The following NOS1AP variants were observed in gnomAD, a reference collection of about 807,000 sequenced individuals.
NOS1AP encodes carboxyl-terminal PDZ ligand of neuronal nitric oxide synthase protein.
In NOS1AP, 21 loss-of-function variants were observed where a neutral mutation model predicts 56.2. The ratio of observed to expected loss-of-function variants is 0.37; its 90% CI spans 0.26 to 0.54. NOS1AP has a LOEUF of 0.54. NOS1AP is among the 20% of genes least tolerant of loss of function. NOS1AP has a pLI of 0.84. For missense variants in NOS1AP, 522 were observed against 657.8 expected, an observed-to-expected ratio of 0.79 and a Z score of 2.26; for synonymous variants, 270 against 274.6, an observed-to-expected ratio of 0.98 and a Z score of 0.17.
At chr1:162,147,051 C>T (rs924063714) in intron 1 of NOS1AP, among the ~76,000 whole-genome samples, 4 of 152,000 alleles carry the variant, frequency 2.6e-5, no homozygotes, top group Non-Finnish European at 5.9e-5. Flanking sequence ...AATACAAGGC[C>T]GGGCGCGGTG....
intron 2 of NOS1AP, among the ~76,000 whole-genome samples, chr1:162,197,429 G>A (rs530247419): frequency 4.3e-4 from 65 of 152,338 alleles, no homozygotes; most frequent in African/African-American, 1.5e-3. Flanking sequence ...TGGCAGCCGG[G>A]ATGTACTGGC....
chr1:162,339,213 T>C (rs958341974), intron 5 of NOS1AP, among the ~76,000 whole-genome samples: 1 of 152,126 alleles, frequency 6.6e-6, no homozygotes, highest in Non-Finnish European at 1.5e-5. Flanking sequence ...TTTCCAGCTT[T>C]GAAAATATCA....
chr1:162,115,294 C>A (rs149295395), intron 1 of NOS1AP, among the ~76,000 whole-genome samples: 3 of 152,250 alleles, frequency 2.0e-5, no homozygotes, highest in African/African-American at 7.2e-5. Context: ...AAACAGTATA[C>A]CATGACTCTA....
At chr1:162,138,829 G>A (rs1273912360) in intron 1 of NOS1AP, among the ~76,000 whole-genome samples, 2 of 152,158 alleles carry the variant, frequency 1.3e-5, no homozygotes, top group East Asian at 3.9e-4. Flanking sequence ...CCATTCTCGA[G>A]GAAGGGGAAG....
intron 2 of NOS1AP, among the ~76,000 whole-genome samples, chr1:162,252,163 C>G (rs1363789254): frequency 6.6e-6 from 1 of 152,104 alleles, no homozygotes; most frequent in Non-Finnish European, 1.5e-5. Context: ...CTTCCCACAT[C>G]AGCCTCCTGA....
chr1:162,361,668 G>A (rs543808133), intron 8 of NOS1AP, among the ~76,000 whole-genome samples: 11 of 152,328 alleles, frequency 7.2e-5, no homozygotes, highest in South Asian at 4.1e-4. Context: ...GTGTAACTGG[G>A]TTTACAGAGG....
chr1:162,203,574 A>G (rs1652060501), intron 2 of NOS1AP, among the ~76,000 whole-genome samples: 2 of 152,198 alleles, frequency 1.3e-5, no homozygotes, highest in South Asian at 4.1e-4. Flanking sequence ...AAAAAAATTG[A>G]TTTGCAGACT....
rs1658117676 is a variant in NOS1AP at position 162,367,191 on chromosome 1, G to A, written c.1245G>A (p.Ala415=). The change falls in exon 10 of 10, where the codon GCG becomes GCA. Residue 415 remains alanine, a synonymous_variant. Transcript: ENST00000361897. This position sits in a 1 kb window ranked among gnomAD's most constrained non-coding sequence, Gnocchi z 6.5. ...GAGLADFAHP[A]GSPLGRRDCL... is the part of the protein sequence containing the mutation. ...GCTTGGCTGACTTTGCCCACCCTGCGGGCAGCCCCTTAGGTAGGCGCGACT... is the reference window on the plus strand; with the variant it reads ...GCTTGGCTGACTTTGCCCACCCTGCAGGCAGCCCCTTAGGTAGGCGCGACT... 3 of 1,613,772 alleles carry A rather than the reference G, an allele frequency of 1.9e-6. No individual in the cohort carries two copies. Among genetic ancestry groups the A allele is most frequent in the Non-Finnish European group, 8.5e-7 (1 of 1,179,974 alleles).
intron 1 of NOS1AP, among the ~76,000 whole-genome samples, chr1:162,123,674 G>A (rs966798223): frequency 1.9e-4 from 29 of 151,774 alleles, no homozygotes; most frequent in African/African-American, 4.1e-4. Flanking sequence ...TTTTGAAATC[G>A]TTTCAAACAC....
At chr1:162,155,247 TACACATAC>T (rs1231253121) in intron 2 of NOS1AP, among the ~76,000 whole-genome samples, 1 of 145,214 alleles carries the variant, frequency 6.9e-6, no homozygotes, top group Admixed American at 6.9e-5. Context: ...CATATACATA[TACACATAC>T]ATATATATAT....
Position 162,355,579 on chromosome 1 carries a change from G to A in NOS1AP, c.762+226G>A, listed in dbSNP as rs34771279. 0.059 allele frequency among the ~76,000 whole-genome samples: 9,042 copies of A among 152,076 alleles called. 291 individuals are homozygous for A. The highest frequency in any genetic ancestry group is 0.12 in the South Asian group (598 of 4,810). ...GTGGAGCTGATTCCTGACACACATC[G>A]CCCTCCCCAAATCCCACCAATATTT... is the stretch of plus-strand genomic sequence containing the variant. On this transcript the variant is annotated intron_variant, in intron 7 of 9. Coordinates refer to ENST00000361897, the MANE Select transcript of NOS1AP (RefSeq NM_014697.3).
At chr1:162,289,268 CCTT>C (rs1655202439) in intron 3 of NOS1AP, among the ~76,000 whole-genome samples, 10 of 68,190 alleles carry the variant, frequency 1.5e-4, no homozygotes, top group Admixed American at 3.1e-4. Flanking sequence ...TTCCTTCCTT[CCTT>C]CCTTCCTTTC....
At chr1:162,211,519 A>C (rs1652347256) in intron 2 of NOS1AP, among the ~76,000 whole-genome samples, 1 of 152,208 alleles carries the variant, frequency 6.6e-6, no homozygotes, top group Non-Finnish European at 1.5e-5. Context: ...GCTTCAGTGC[A>C]GAATGTTGGT....
chr1:162,202,630 C>T (rs73017353), intron 2 of NOS1AP, among the ~76,000 whole-genome samples: 23,986 of 151,786 alleles, frequency 0.16, 2,095 homozygotes, highest in South Asian at 0.23. Context: ...TAAATTTTTG[C>T]GTGTGTTTCA....
intron 2 of NOS1AP, among the ~76,000 whole-genome samples, chr1:162,211,743 C>A (rs184861384): frequency 6.6e-6 from 1 of 152,174 alleles, no homozygotes. Flanking sequence ...CCTCTCTCTG[C>A]AGTCTGATTG....
chr1:162,245,265 T>C (rs1653624947), intron 2 of NOS1AP, among the ~76,000 whole-genome samples: 2 of 152,188 alleles, frequency 1.3e-5, no homozygotes, highest in African/African-American at 4.8e-5. Context: ...ATGGCAGATA[T>C]GCATATGAAC....
intron 2 of NOS1AP, among the ~76,000 whole-genome samples, chr1:162,229,861 G>A (rs187902378): frequency 6.6e-6 from 1 of 152,114 alleles, no homozygotes; most frequent in Non-Finnish European, 1.5e-5. Flanking sequence ...AATGCAAGAC[G>A]TGTCTCAACT....
intron 2 of NOS1AP, among the ~76,000 whole-genome samples, chr1:162,164,971 A>G (rs748389918): frequency 2.0e-5 from 3 of 152,246 alleles, no homozygotes; most frequent in African/African-American, 4.8e-5. Context: ...TTAGTCTTCA[A>G]TAATCCCATA....
At chr1:162,180,644 C>T (rs1046423215) in intron 2 of NOS1AP, among the ~76,000 whole-genome samples, 3 of 152,138 alleles carry the variant, frequency 2.0e-5, no homozygotes, top group South Asian at 2.1e-4. Flanking sequence ...CCTCTTGGAG[C>T]GGAGCATGGC....
Sources: gnomAD v4.1 joint callset for allele counts (sites outside exome capture counted in the v4.1 genomes callset) on GRCh38, gnomAD v4.1.1 for gene constraint, Gnocchi (gnomAD v3.1) non-coding constraint, MANE v1.5 for transcripts, NCBI Gene and HGNC (gene_info 2026-07-23, HGNC 2026-07-21) for gene names.